Variants in TAFAZZIN observed in about 807,000 individuals in gnomAD.
TAFAZZIN encodes tafazzin, phospholipid-lysophospholipid transacylase.
Under a neutral mutation model 27.3 loss-of-function variants are expected in TAFAZZIN, and 6 were observed. The observed-to-expected ratio is 0.22, with a 90% CI of 0.12 to 0.43. TAFAZZIN has a LOEUF of 0.43. TAFAZZIN is among the 20% of genes least tolerant of loss of function. The probability of loss-of-function intolerance (pLI) is 1.00; values close to 1 mark genes in which losing one functional copy is unlikely to be tolerated. For missense variants in TAFAZZIN, 127 were observed against 244.5 expected, an observed-to-expected ratio of 0.52 and a Z score of 3.21; for synonymous variants, 79 against 96.2, an observed-to-expected ratio of 0.82 and a Z score of 1.04.
rs991769534 is a variant in TAFAZZIN, at chrX:154,411,771, G to C, written c.-73G>C. On this transcript the variant is annotated 5_prime_UTR_variant, in exon 1 of 11. Coordinates refer to ENST00000601016, the MANE Select transcript of TAFAZZIN (RefSeq NM_000116.5). ...TCAGGGGCCAGTGTCTCGAGCGGTC[G>C]AGGTCGCAGACCTAGAGGCGCCCCA... The C allele has an allele frequency of 2.8e-5, 28 of 990,062 alleles. No homozygotes were observed. Among genetic ancestry groups the C allele is most frequent in the Non-Finnish European group, 3.4e-5 (25 of 724,903 alleles). 81.6% of individuals were successfully genotyped at this position (990,062 alleles called of 1,213,427 possible).
chrX:154,420,122 T>C (rs1395034418), intron 8 of TAFAZZIN, 28 bp downstream of exon 8: 1 of 1,206,219 alleles, frequency 8.3e-7, no homozygotes, highest in Non-Finnish European at 1.1e-6. Flanking sequence ...GACAGAGAGA[T>C]GGCATCTGGG....
At chrX:154,413,678 A>AT in intron 4 of TAFAZZIN, 111 bp downstream of exon 4, 1 of 743,804 alleles carries the variant, frequency 1.3e-6, no homozygotes. Flanking sequence ...GGGAGCCAAC[A>AT]TGAGGCCCAG....
In TAFAZZIN at chrX:154,419,217, G is replaced by A. The variant is rs1414262873; in HGVS notation, c.461-326G>A. 2.7e-4 allele frequency: 93 copies of A among 341,109 alleles called. 1 individual carries two copies. The Admixed American group carries it at 3.3e-3, about 12-fold the overall frequency. The allele number at this position is 341,109 out of a possible 1,213,427, so 28.1% of individuals were successfully genotyped here. A position where few individuals can be genotyped will look rare whatever the true frequency, so the allele number is the denominator to read the frequency against. On this transcript the variant is annotated intron_variant, in intron 5 of 10. Transcript: ENST00000601016. Reference sequence around the variant, plus strand: ...GAGGAATTGCCAGGTCAGAATCTCGGTAGGAGATGACTTGAGCTGATGCTG... The same window carrying A: ...GAGGAATTGCCAGGTCAGAATCTCGATAGGAGATGACTTGAGCTGATGCTG...
At chrX:154,413,445 G>A (rs782120100) in intron 3 of TAFAZZIN, 37 bp from the exon 4 acceptor site, 16 of 1,207,768 alleles carry the variant, frequency 1.3e-5, no homozygotes, top group South Asian at 1.1e-4. Flanking sequence ...GGAGCGGGGT[G>A]CAGGGGGCAG....
rs1557194872 is a variant in TAFAZZIN, at chrX:154,421,476, C to A, written c.*472C>A. The A allele has an allele frequency of 6.0e-6, 2 of 332,152 alleles. No individual in the cohort carries two copies. Among genetic ancestry groups the A allele is most frequent in the Non-Finnish European group, 1.2e-5 (2 of 171,326 alleles). The allele number at this position is 332,152 out of a possible 1,213,427, so 27.4% of individuals were successfully genotyped here. A position where few individuals can be genotyped will look rare whatever the true frequency, so the allele number is the denominator to read the frequency against. ...TCCTTCTGCCTGAGCTTCCCCCCCA[C>A]CACAGGCCCTTTCCTCAGGCAAGGT... On this transcript the variant is annotated 3_prime_UTR_variant, in exon 11 of 11. Transcript: ENST00000601016.
intron 8 of TAFAZZIN, 24 bp downstream of exon 8, chrX:154,420,118 G>A (rs1557194099): frequency 8.3e-7 from 1 of 1,211,519 alleles, no homozygotes; most frequent in East Asian, 3.0e-5. Context: ...CGGGGACAGA[G>A]AGATGGCATC....
chrX:154,420,417 G>A (rs1305292346), intron 9 of TAFAZZIN, among the ~76,000 whole-genome samples, 153 bp downstream of exon 9: 1 of 110,910 alleles, frequency 9.0e-6, no homozygotes, highest in Non-Finnish European at 1.9e-5. Context: ...TCCTGGCACC[G>A]AGACATTAAA....
At chrX:154,417,070 G>C (rs782134726) in intron 5 of TAFAZZIN, among the ~76,000 whole-genome samples, 54 of 109,955 alleles carry the variant, frequency 4.9e-4, no homozygotes, top group African/African-American at 1.7e-3. Context: ...GGGAGACGGA[G>C]CTTGCAGTGA....
chrX:154,419,907 A>C lies in TAFAZZIN; in HGVS notation c.584-125A>C, dbSNP rs1472359473. 5 of 1,095,581 alleles carry C rather than the reference A, an allele frequency of 4.6e-6. No individual in the cohort carries two copies. The African/African-American group carries it at 7.2e-5, about 16-fold the overall frequency. 90.3% of individuals were successfully genotyped at this position (1,095,581 alleles called of 1,213,427 possible). A position where few individuals can be genotyped will look rare whatever the true frequency, so the allele number is the denominator to read the frequency against. On this transcript the variant is annotated intron_variant, in intron 7 of 10. Coordinates refer to ENST00000601016, the MANE Select transcript of TAFAZZIN (RefSeq NM_000116.5). ...TGCTGAGACTAGGCCTGCCTCTCGCAGGGGCTTGCCCAAGGGAGCTGAATT... is the reference window on the plus strand; with the variant it reads ...TGCTGAGACTAGGCCTGCCTCTCGCCGGGGCTTGCCCAAGGGAGCTGAATT...
chrX:154,420,037 G>A lies in TAFAZZIN; in HGVS notation c.589G>A (p.Gly197Arg), dbSNP rs132630277. ...TCTACCTCCCCCCTGGGCAGGAATC[G>A]GGCGCCTGATTGCTGAGTGTCATCT... ...SEFLRFKWGI[G>R]RLIAECHLNP... The change falls in exon 8 of 11, where the codon GGG becomes AGG. Residue 197 changes from glycine (G) to arginine (R), a missense_variant. By Grantham distance (125) the Gly-to-Arg change is moderately radical. Coordinates refer to ENST00000601016, the MANE Select transcript of TAFAZZIN (RefSeq NM_000116.5). 1 of 1,211,870 alleles carries A rather than the reference G, an allele frequency of 8.3e-7. No individual in the cohort carries two copies. The highest frequency in any genetic ancestry group is 1.1e-6 in the Non-Finnish European group (1 of 895,379).
At chrX:154,413,316 CCCT>C in intron 3 of TAFAZZIN, 64 bp downstream of exon 3, 1 of 1,208,297 alleles carries the variant, frequency 8.3e-7, no homozygotes, top group Non-Finnish European at 1.1e-6. Flanking sequence ...CCCAGATTTG[CCCT>C]CCTCCTGCTC....
chrX:154,420,180 C>A (rs1557194126), intron 8 of TAFAZZIN, 32 bp from the exon 9 acceptor site: 1 of 1,209,491 alleles, frequency 8.3e-7, no homozygotes, highest in African/African-American at 1.8e-5. Context: ...CTGCTCCACC[C>A]CACGTCTGGC....
intron 9 of TAFAZZIN, 31 bp downstream of exon 9, chrX:154,420,295 T>C (rs1557194241): frequency 1.7e-6 from 2 of 1,207,194 alleles, no homozygotes; most frequent in Admixed American, 4.3e-5. Flanking sequence ...TTCGGCTGTC[T>C]GCCTGTCTGC....
intron 2 of TAFAZZIN, 100 bp downstream of exon 2, chrX:154,412,314 G>T (rs782644916): frequency 1.1e-4 from 120 of 1,070,518 alleles, no homozygotes; most frequent in Non-Finnish European, 3.4e-5. Context: ...TTTTCATGGA[G>T]CCCTGGCACT....
intron 5 of TAFAZZIN, among the ~76,000 whole-genome samples, chrX:154,414,772 C>T (rs1384577311): frequency 1.8e-5 from 2 of 108,655 alleles, no homozygotes; most frequent in Non-Finnish European, 3.8e-5. Context: ...GGGCGGATCA[C>T]GAGGTCAGGA....
At chrX:154,412,012 A>T in intron 1 of TAFAZZIN, 60 bp downstream of exon 1, 2 of 1,202,641 alleles carry the variant, frequency 1.7e-6, no homozygotes, top group Non-Finnish European at 2.2e-6. Context: ...CGGAGGTGGG[A>T]CTTAGGGTGG....
chrX:154,421,677 C>T lies in TAFAZZIN; in HGVS notation c.*673C>T, dbSNP rs926188266. 14 of 328,550 alleles carry T rather than the reference C, an allele frequency of 4.3e-5. No individual in the cohort carries two copies. The highest frequency in any genetic ancestry group is 3.7e-4 in the African/African-American group (14 of 37,908). The allele number at this position is 328,550 out of a possible 1,213,427, so 27.1% of individuals were successfully genotyped here. A position where few individuals can be genotyped will look rare whatever the true frequency, so the allele number is the denominator to read the frequency against. ...ACTTGAATCCTAGGGCCTGGGTTTTCATGTTTTTGAAACAGAACCATAAAG... is the reference window on the plus strand; with the variant it reads ...ACTTGAATCCTAGGGCCTGGGTTTTTATGTTTTTGAAACAGAACCATAAAG... On this transcript the variant is annotated 3_prime_UTR_variant, in exon 11 of 11. Coordinates refer to ENST00000601016, the MANE Select transcript of TAFAZZIN (RefSeq NM_000116.5).
intron 6 of TAFAZZIN, 26 bp downstream of exon 6, chrX:154,419,649 C>G (rs1455569016): frequency 8.3e-6 from 10 of 1,210,494 alleles, no homozygotes; most frequent in East Asian, 3.0e-5. Flanking sequence ...TGGGTCGAGC[C>G]CCCCCAGTAT....
intron 5 of TAFAZZIN, among the ~76,000 whole-genome samples, chrX:154,414,862 G>A (rs980409449): frequency 2.7e-5 from 3 of 109,343 alleles, no homozygotes; most frequent in Non-Finnish European, 5.7e-5. Flanking sequence ...GGTGGTGTGT[G>A]CCTGTAATCT....
Sources: allele counts gnomAD v4.1 joint callset (sites outside exome capture counted in the v4.1 genomes callset), GRCh38; gene constraint gnomAD v4.1.1; transcripts MANE v1.5; gene names NCBI Gene and HGNC (gene_info 2026-07-23, HGNC 2026-07-21).